DMD: variants seen among roughly 807,000 people sequenced by gnomAD.
DMD encodes mutant dystrophin.
In DMD, 63 loss-of-function variants were observed where a neutral mutation model predicts 330.1. That is an observed-to-expected ratio of 0.19 (90% CI 0.16 to 0.24). DMD has a LOEUF of 0.24. Among genes scored for constraint, DMD ranks in the 10% least tolerant of loss-of-function variants. The pLI is 1.00. For synonymous variants in DMD, 1,223 were observed against 959.8 expected, an observed-to-expected ratio of 1.27 and a Z score of -5.07; for missense variants, 3,344 against 2,684.1, an observed-to-expected ratio of 1.25 and a Z score of -5.43.
chrX:32,463,372 A>T, intron 25 of DMD, 67 bp downstream of exon 25: 1 of 1,049,160 alleles, frequency 9.5e-7, no homozygotes, highest in Non-Finnish European at 1.3e-6. Flanking sequence ...GTAACGGTGA[A>T]GGGAGACATT....
chrX:32,122,393 G>T (rs1364738306), intron 44 of DMD, among the ~76,000 whole-genome samples: 1 of 111,700 alleles, frequency 9.0e-6, no homozygotes, highest in Non-Finnish European at 1.9e-5. Flanking sequence ...CTGGCCTAGA[G>T]TTGCTTCTAA....
chrX:32,737,291 T>C (rs2068643762), intron 7 of DMD, among the ~76,000 whole-genome samples: 1 of 111,368 alleles, frequency 9.0e-6, no homozygotes, highest in Admixed American at 9.6e-5. Flanking sequence ...TCAAACTCCA[T>C]TTTACCTTGA....
chrX:32,221,140 G>A (rs1017349886), intron 43 of DMD, among the ~76,000 whole-genome samples: 2 of 110,681 alleles, frequency 1.8e-5, no homozygotes, highest in Admixed American at 9.7e-5. Flanking sequence ...TAACACTTTC[G>A]GGCCATTAAG....
intron 44 of DMD, among the ~76,000 whole-genome samples, chrX:31,980,259 T>A (rs2150250882): frequency 8.9e-6 from 1 of 111,981 alleles, no homozygotes; most frequent in Non-Finnish European, 1.9e-5. Context: ...CACAGCATCT[T>A]ATTCATAACA....
chrX:32,233,674 C>T (rs1245253833), intron 43 of DMD, among the ~76,000 whole-genome samples: 1 of 103,902 alleles, frequency 9.6e-6, no homozygotes, highest in Non-Finnish European at 2.0e-5. Context: ...CTCTTGTTGC[C>T]CCAGCTGGAG....
At chrX:31,939,190 C>T (rs766255331) in intron 45 of DMD, among the ~76,000 whole-genome samples, 13 of 111,684 alleles carry the variant, frequency 1.2e-4, no homozygotes, top group African/African-American at 4.2e-4. Flanking sequence ...TCAGGCCATA[C>T]CCTCCGTAGG....
chrX:31,236,665 G>A (rs1161425888), intron 63 of DMD, among the ~76,000 whole-genome samples: 1 of 112,170 alleles, frequency 8.9e-6, no homozygotes, highest in East Asian at 2.8e-4. Context: ...TGTAAGATAA[G>A]GATTGGAATT....
At chrX:31,286,117 T>G (rs1046687430) in intron 62 of DMD, among the ~76,000 whole-genome samples, 2 of 112,219 alleles carry the variant, frequency 1.8e-5, no homozygotes, top group South Asian at 7.5e-4. Context: ...GTTTTTGCCT[T>G]CAGGAAAGCA....
At chrX:33,313,433 C>T (rs941367584) in intron 1 of DMD, among the ~76,000 whole-genome samples, 2 of 111,401 alleles carry the variant, frequency 1.8e-5, no homozygotes, top group Non-Finnish European at 3.8e-5. Context: ...AATTGTACGT[C>T]GAGATTATAA....
intron 7 of DMD, among the ~76,000 whole-genome samples, chrX:32,755,591 A>T (rs1448791299): frequency 8.9e-6 from 1 of 112,083 alleles, no homozygotes; most frequent in Non-Finnish European, 1.9e-5. Context: ...ATGTTTTCAT[A>T]TTCTTGAGTT....
chrX:31,342,043 T>C (rs1020753204), intron 61 of DMD, among the ~76,000 whole-genome samples: 3 of 110,843 alleles, frequency 2.7e-5, no homozygotes, highest in East Asian at 2.8e-4. Context: ...AGTCAAAAAT[T>C]GTTGGTTGTA....
At chrX:32,315,103 G>A (rs917954143) in intron 41 of DMD, among the ~76,000 whole-genome samples, 1 of 111,851 alleles carries the variant, frequency 8.9e-6, no homozygotes, top group African/African-American at 3.3e-5. Context: ...GTTTATTGCA[G>A]CACTGTTCAC....
At chrX:32,508,264 C>T (rs1181026095) in intron 18 of DMD, among the ~76,000 whole-genome samples, 1 of 111,131 alleles carries the variant, frequency 9.0e-6, no homozygotes, top group East Asian at 2.8e-4. Context: ...AATGTTCAGA[C>T]GATATCTGGG....
At chrX:33,205,497 C>T (rs987114983) in intron 1 of DMD, among the ~76,000 whole-genome samples, 1 of 111,924 alleles carries the variant, frequency 8.9e-6, no homozygotes, top group Admixed American at 9.5e-5. Context: ...GGCTAAGGTA[C>T]TATTGCAACC....
At chrX:31,816,144 TAA>T (rs1888937347) in intron 50 of DMD, among the ~76,000 whole-genome samples, 1 of 112,312 alleles carries the variant, frequency 8.9e-6, no homozygotes, top group African/African-American at 3.2e-5. Context: ...TTTGAACTGT[TAA>T]GTTTTGGGGT....
intron 57 of DMD, among the ~76,000 whole-genome samples, chrX:31,480,121 C>G (rs1848019053): frequency 8.9e-6 from 1 of 112,070 alleles, no homozygotes; most frequent in Non-Finnish European, 1.9e-5. Flanking sequence ...CTTTTTTCAA[C>G]TCTGTCTTTT....
chrX:32,291,841 C>T (rs2097471378), intron 42 of DMD, among the ~76,000 whole-genome samples: 1 of 111,523 alleles, frequency 9.0e-6, no homozygotes, highest in Admixed American at 9.6e-5. Context: ...CTGAGCCATA[C>T]ATATTTTCAC....
chrX:32,122,851 T>A (rs1415568625), intron 44 of DMD, among the ~76,000 whole-genome samples: 1 of 111,169 alleles, frequency 9.0e-6, no homozygotes, highest in African/African-American at 3.3e-5. Context: ...ACACTACTCA[T>A]AAGGACTTTT....
At chrX:33,059,724 A>G (rs1266446790) in intron 1 of DMD, among the ~76,000 whole-genome samples, 2 of 111,667 alleles carry the variant, frequency 1.8e-5, no homozygotes, top group Non-Finnish European at 3.8e-5. Context: ...AATTTCCTAC[A>G]AATACTTCTT....
Sources: allele counts gnomAD v4.1 joint callset (sites outside exome capture counted in the v4.1 genomes callset), GRCh38; gene constraint gnomAD v4.1.1; transcripts MANE v1.5; gene names NCBI Gene and HGNC (gene_info 2026-07-23, HGNC 2026-07-21).